The following SIPA1L2 variants were observed in gnomAD, a reference collection of about 807,000 sequenced individuals.
SIPA1L2 encodes signal-induced proliferation-associated 1-like protein 2.
Under a neutral mutation model 163.9 loss-of-function variants are expected in SIPA1L2, and 56 were observed. That is an observed-to-expected ratio of 0.34 (90% CI 0.28 to 0.43). The LOEUF (loss-of-function observed/expected upper bound fraction) is 0.43. Among genes scored for constraint, SIPA1L2 ranks in the 20% least tolerant of loss-of-function variants. The probability of loss-of-function intolerance (pLI) is 1.00; values close to 1 mark genes in which losing one functional copy is unlikely to be tolerated. For synonymous variants in SIPA1L2, 877 were observed against 865.7 expected, an observed-to-expected ratio of 1.01 and a Z score of -0.23; for missense variants, 1,974 against 2,193.5, an observed-to-expected ratio of 0.90 and a Z score of 2.00.
chr1:232,477,851 A>G (rs1367591170), intron 7 of SIPA1L2, among the ~76,000 whole-genome samples: 1 of 152,198 alleles, frequency 6.6e-6, no homozygotes, highest in Non-Finnish European at 1.5e-5. Flanking sequence ...TGCCAGGGCC[A>G]ATTCAGCCTG....
intron 10 of SIPA1L2, among the ~76,000 whole-genome samples, chr1:232,447,263 G>A (rs1663272369): frequency 6.6e-6 from 1 of 152,136 alleles, no homozygotes; most frequent in African/African-American, 2.4e-5. Flanking sequence ...TATGGCTACT[G>A]GAAAATCCAG....
rs369489666 is a variant in SIPA1L2, at chr1:232,403,600, G to A, written c.4817-29C>T. ...GGGAGGGGAGAAACACACACAGAAA[G>A]AAGGGTTAGTAATCAATGCAAGGCA... On this transcript the variant is annotated intron_variant, in intron 20 of 22. Coordinates refer to ENST00000674635, the MANE Select transcript of SIPA1L2 (RefSeq NM_020808.5). 1.9e-6 allele frequency: 3 copies of A among 1,599,434 alleles called. No homozygotes were observed. The African/African-American group carries it at 4.0e-5, about 21-fold the overall frequency.
chr1:232,483,808 A>G lies in SIPA1L2; in HGVS notation c.1965T>C (p.Ala655=). 1 of 1,613,962 alleles carries G rather than the reference A, an allele frequency of 6.2e-7. No individual in the cohort carries two copies. The highest frequency in any genetic ancestry group is 1.1e-5 in the South Asian group (1 of 91,082). Residue 655 remains alanine (A), a synonymous_variant, in exon 6 of 23, where the codon GCT becomes GCC. Transcript: ENST00000674635. ...VRLKGFSKYR[A]QLDNKTDSTG... is the part of the protein sequence containing the mutation. ...TAAACTTACTCTTATTGTCTAGCTGAGCTCGATATTTACTAAATCCTTTCA... is the reference window on the plus strand; with the variant it reads ...TAAACTTACTCTTATTGTCTAGCTGGGCTCGATATTTACTAAATCCTTTCA...
chr1:232,459,335 C>T lies in SIPA1L2; in HGVS notation c.3095+1552G>A, dbSNP rs1254191513. On this transcript the variant is annotated intron_variant, in intron 10 of 22. Transcript: ENST00000674635. ...CTCTGAACGGTACAGACACAGATCA[C>T]TGTAGAAAGTGCTAATGGAGAGTGC... Among the ~76,000 whole-genome samples the T allele has an allele frequency of 2.0e-5, 3 of 152,034 alleles. No individual in the cohort carries two copies. The East Asian group carries it at 5.8e-4, about 29-fold the overall frequency.
chr1:232,575,957 AG>A (rs1660054766), intron 1 of SIPA1L2, among the ~76,000 whole-genome samples: 1 of 152,230 alleles, frequency 6.6e-6, no homozygotes, highest in African/African-American at 2.4e-5. Flanking sequence ...CATTTATATG[AG>A]GTATGTAGAG....
chr1:232,568,203 A>C (rs896499211), intron 2 of SIPA1L2, among the ~76,000 whole-genome samples: 16 of 152,210 alleles, frequency 1.1e-4, no homozygotes, highest in African/African-American at 3.9e-4. Flanking sequence ...AGTCAATCAG[A>C]AGCACAGGGA....
At position 232,616,323 on chromosome 1, in the gene SIPA1L2, A is replaced by G. The variant is rs528990538; in HGVS notation, c.-319+13546T>C. On this transcript the variant is annotated intron_variant, in intron 1 of 22. Transcript: ENST00000674635. ...CAGAACCAAACAATTGGCAATGCTAATTCCACAAGACTAGAACAGAAGCCC... is the reference window on the plus strand; with the variant it reads ...CAGAACCAAACAATTGGCAATGCTAGTTCCACAAGACTAGAACAGAAGCCC... 3.3e-5 allele frequency among the ~76,000 whole-genome samples: 5 copies of G among 152,356 alleles called. No individual in the cohort carries two copies. In the South Asian group the frequency reaches 1.0e-3, roughly 32 times the overall value.
chr1:232,621,736 AT>A (rs56266753), intron 1 of SIPA1L2, among the ~76,000 whole-genome samples: 27,791 of 145,896 alleles, frequency 0.19, 2,842 homozygotes, highest in East Asian at 0.31. Context: ...CATTTAAAAC[AT>A]TTTTTTTTTT....
chr1:232,531,947 C>A (rs568639003), intron 2 of SIPA1L2, among the ~76,000 whole-genome samples: 1 of 152,244 alleles, frequency 6.6e-6, no homozygotes, highest in African/African-American at 2.4e-5. Context: ...ACAGCAAGCA[C>A]ACAGGTTAGA....
At chr1:232,630,282 G>A (rs1245159239), upstream of SIPA1L2, among the ~76,000 whole-genome samples, 1 of 151,818 alleles carries the variant, frequency 6.6e-6, no homozygotes, top group Admixed American at 6.5e-5. Flanking sequence ...CGTCCGCCCG[G>A]CTCCGGGCGC....
intron 2 of SIPA1L2, among the ~76,000 whole-genome samples, chr1:232,524,387 G>A (rs188829990): frequency 3.3e-5 from 5 of 152,252 alleles, no homozygotes; most frequent in Admixed American, 6.5e-5. Context: ...TCCCCATGCC[G>A]GTGAGGGTCT....
chr1:232,525,166 G>A (rs983074878), intron 2 of SIPA1L2, among the ~76,000 whole-genome samples: 1 of 150,800 alleles, frequency 6.6e-6, no homozygotes, highest in African/African-American at 2.4e-5. Flanking sequence ...TTTTTTTATG[G>A]CAGGTATTTA....
chr1:232,471,240 A>G (rs1202684609), intron 8 of SIPA1L2, 131 bp downstream of exon 8: 1 of 986,540 alleles, frequency 1.0e-6, no homozygotes, highest in Non-Finnish European at 1.5e-6. Context: ...ATTATTTCTT[A>G]CAGAAAGTGT....
At position 232,515,081 on chromosome 1, in the gene SIPA1L2, T is replaced by C. The variant is rs1368463753; in HGVS notation, c.259A>G (p.Lys87Glu). The C allele has an allele frequency of 6.2e-7, 1 of 1,614,016 alleles. No homozygotes were observed. Among genetic ancestry groups the C allele is most frequent in the Non-Finnish European group, 8.5e-7 (1 of 1,180,022 alleles). Reference sequence around the variant, plus strand: ...CATGTTAGCTCCTTGGAACAGTCCTTTTTAGGAGGCCATTCAGACACCCTT... The same window carrying C: ...CATGTTAGCTCCTTGGAACAGTCCTCTTTAGGAGGCCATTCAGACACCCTT... ...RARVSEWPPK[K>E]DCSKELTCKA... The change falls in exon 3 of 23, where the codon AAG (lysine) becomes GAG (glutamate). Residue 87 changes from lysine (K) to glutamate (E), a missense_variant. Physicochemically the swap from Lys to Glu is moderately conservative, Grantham distance 56 (BLOSUM62 1). This residue lies in a region of SIPA1L2 where 607 missense variants were observed against 624.0 expected (regional missense o/e 0.97). Coordinates refer to ENST00000674635, the MANE Select transcript of SIPA1L2 (RefSeq NM_020808.5).
intron 1 of SIPA1L2, among the ~76,000 whole-genome samples, chr1:232,620,962 G>T (rs991070809): frequency 2.0e-5 from 3 of 152,238 alleles, no homozygotes; most frequent in Admixed American, 6.5e-5. Flanking sequence ...ATATTTAAAT[G>T]CCTGAAATGT....
At chr1:232,522,294 A>T (rs1667491130) in intron 2 of SIPA1L2, among the ~76,000 whole-genome samples, 1 of 151,980 alleles carries the variant, frequency 6.6e-6, no homozygotes, top group East Asian at 1.9e-4. Flanking sequence ...CAGCTGCTGG[A>T]TTTCCACCCT....
intron 15 of SIPA1L2, among the ~76,000 whole-genome samples, chr1:232,437,186 T>C (rs1416634184): frequency 1.3e-5 from 2 of 152,172 alleles, no homozygotes; most frequent in Admixed American, 6.5e-5. Context: ...AAATTTTACT[T>C]AATAATAATA....
intron 9 of SIPA1L2, 142 bp from the exon 10 acceptor site, chr1:232,461,303 C>G: frequency 5.0e-6 from 5 of 1,008,680 alleles, no homozygotes; most frequent in Non-Finnish European, 2.9e-6. Flanking sequence ...GCCTTTTCCT[C>G]AAACTGTCCA....
chr1:232,586,057 A>G (rs756001025), intron 1 of SIPA1L2, among the ~76,000 whole-genome samples: 3 of 152,244 alleles, frequency 2.0e-5, no homozygotes, highest in Non-Finnish European at 4.4e-5. Context: ...ATATTTACTT[A>G]GCTTGGCTTC....
Sources: allele counts gnomAD v4.1 joint callset (sites outside exome capture counted in the v4.1 genomes callset), GRCh38; gene constraint gnomAD v4.1.1; regional missense constraint gnomAD v4.1.1; transcripts MANE v1.5; gene names NCBI Gene and HGNC (gene_info 2026-07-23, HGNC 2026-07-21).